The following SLC25A48 variants were observed in gnomAD, a reference collection of about 807,000 sequenced individuals.
SLC25A48 encodes solute carrier family 25 member 48.
In SLC25A48, 29 loss-of-function variants were observed where a neutral mutation model predicts 32.2. That is an observed-to-expected ratio of 0.90 (90% CI 0.67 to 1.23). The LOEUF is 1.23. Among genes scored for constraint, SLC25A48 ranks in the 50% most tolerant of loss-of-function variants. The pLI is 0.00. For missense variants in SLC25A48, 399 were observed against 422.7 expected (o/e 0.94, Z 0.49); for synonymous variants, 164 against 172.3 (o/e 0.95, Z 0.38).
At chr5:135,797,774 T>A (rs1757224027) in intron 3 of SLC25A48, among the ~76,000 whole-genome samples, 1 of 151,638 alleles carries the variant, frequency 6.6e-6, no homozygotes, top group East Asian at 1.9e-4. Context: ...GATATAACTC[T>A]CAATATCTCA....
At chr5:135,593,430 G>A (rs1345411337) in intron 1 of SLC25A48, among the ~76,000 whole-genome samples, 4 of 152,202 alleles carry the variant, frequency 2.6e-5, no homozygotes, top group East Asian at 1.9e-4. Context: ...TGGATATTTC[G>A]TGTTTCTAGC....
At chr5:135,725,338 T>C (rs1251690405) in intron 3 of SLC25A48, among the ~76,000 whole-genome samples, 1 of 152,112 alleles carries the variant, frequency 6.6e-6, no homozygotes, top group African/African-American at 2.4e-5. Flanking sequence ...GAAGAGACTG[T>C]GACTGGAGTG....
intron 3 of SLC25A48, among the ~76,000 whole-genome samples, chr5:135,707,025 G>A (rs1457802322): frequency 6.6e-6 from 1 of 152,200 alleles, no homozygotes; most frequent in Non-Finnish European, 1.5e-5. Context: ...GCAGTGAGTG[G>A]ATGAGTGGGC....
intron 2 of SLC25A48, among the ~76,000 whole-genome samples, chr5:135,632,723 G>A (rs1034960169): frequency 2.3e-4 from 35 of 152,164 alleles, no homozygotes; most frequent in African/African-American, 4.8e-5. Flanking sequence ...TAATTTGAAA[G>A]GGAGCAATCC....
At chr5:135,774,471 G>A (rs1756496765) in intron 3 of SLC25A48, among the ~76,000 whole-genome samples, 2 of 151,420 alleles carry the variant, frequency 1.3e-5, no homozygotes, top group Admixed American at 6.6e-5. Context: ...ATCCAGAAGG[G>A]GAGAGGATAA....
intron 4 of SLC25A48, among the ~76,000 whole-genome samples, chr5:135,859,492 A>G (rs1760610200): frequency 6.6e-6 from 1 of 152,212 alleles, no homozygotes; most frequent in Non-Finnish European, 1.5e-5. Context: ...CAGCCAAATC[A>G]TATCGCCTCC....
At chr5:135,684,927 T>C (rs1407982619) in intron 3 of SLC25A48, among the ~76,000 whole-genome samples, 1 of 152,112 alleles carries the variant, frequency 6.6e-6, no homozygotes, top group Non-Finnish European at 1.5e-5. Context: ...GACATGCAAG[T>C]AGTCAACTTA....
At chr5:135,772,792 C>T (rs1203671288) in intron 3 of SLC25A48, among the ~76,000 whole-genome samples, 1 of 151,280 alleles carries the variant, frequency 6.6e-6, no homozygotes, top group Admixed American at 6.6e-5. Flanking sequence ...ATATTACTCC[C>T]AATGTCTCAG....
chr5:135,870,447 G>C (rs1761546793), intron 4 of SLC25A48, among the ~76,000 whole-genome samples: 1 of 152,184 alleles, frequency 6.6e-6, no homozygotes, highest in Non-Finnish European at 1.5e-5. Flanking sequence ...AAATGAGAGA[G>C]AGGCAGAGTC....
intron 3 of SLC25A48, among the ~76,000 whole-genome samples, chr5:135,749,781 G>A (rs1038782545): frequency 6.6e-6 from 1 of 152,034 alleles, no homozygotes; most frequent in Non-Finnish European, 1.5e-5. Context: ...TAGTAGAGAC[G>A]GGGTTTCACT....
rs1193506113 is a variant in SLC25A48, at chr5:135,871,478, T to G, written c.439T>G (p.Ser147Ala). The G allele has an allele frequency of 6.3e-7, 1 of 1,597,102 alleles. No individual in the cohort carries two copies. Among genetic ancestry groups the G allele is most frequent in the Admixed American group, 1.7e-5 (1 of 59,358 alleles). The change falls in exon 5 of 8, where the codon TCC becomes GCC. Residue 147 changes from serine to alanine, a missense_variant. Coordinates refer to ENST00000681962, the MANE Select transcript of SLC25A48 (RefSeq NM_001349336.2). ...CTTTGCAGCCAACCTCGGTTTGAAG[T>G]CCAGGGCAGTGGCTCCTGCGGAGCA... The part of the protein sequence containing the change: ...PFRDANLGLK[S>A]RAVAPAEQPA...
chr5:135,731,660 A>T (rs1017705980), intron 3 of SLC25A48, among the ~76,000 whole-genome samples: 1 of 152,164 alleles, frequency 6.6e-6, no homozygotes, highest in Non-Finnish European at 1.5e-5. Flanking sequence ...GAATTGAGAG[A>T]CTAAATGGAA....
chr5:135,581,308 C>T (rs1478809339), intron 1 of SLC25A48, among the ~76,000 whole-genome samples: 1 of 152,198 alleles, frequency 6.6e-6, no homozygotes, highest in Non-Finnish European at 1.5e-5. Flanking sequence ...ACAACCAATG[C>T]TGTTTGACAA....
intron 3 of SLC25A48, among the ~76,000 whole-genome samples, chr5:135,765,018 T>C (rs1372873351): frequency 6.6e-6 from 1 of 150,932 alleles, no homozygotes; most frequent in East Asian, 2.0e-4. Context: ...ACATTACTCC[T>C]CATATGGGGG....
At chr5:135,863,682 G>A (rs1760978686) in intron 4 of SLC25A48, among the ~76,000 whole-genome samples, 2 of 152,082 alleles carry the variant, frequency 1.3e-5, no homozygotes, top group Admixed American at 6.6e-5. Context: ...TGAGAAAACC[G>A]AGGCTGAATT....
At chr5:135,866,889 A>G (rs1435232393) in intron 4 of SLC25A48, among the ~76,000 whole-genome samples, 2 of 152,220 alleles carry the variant, frequency 1.3e-5, no homozygotes, top group Admixed American at 6.5e-5. Flanking sequence ...GAAGTTGGGG[A>G]AATGAAGGAA....
Position 135,673,149 on chromosome 5 carries a change from T to C in SLC25A48, c.-521+38193T>C, listed in dbSNP as rs146409265. ...ATCTGTTTATGGGCATTTGGGTTAT[T>C]TCCAATTTGGGGCTATGACAAATAA... On this transcript the variant is annotated intron_variant, in intron 3 of 10. Coordinates refer to the SLC25A48 transcript ENST00000646290. Among the ~76,000 whole-genome samples, 274 of 152,348 alleles carry C rather than the reference T, an allele frequency of 1.8e-3. 1 individual carries two copies. The highest frequency in any genetic ancestry group is 6.2e-3 in the African/African-American group (257 of 41,578).
chr5:135,749,687 G>C (rs1250198119), intron 3 of SLC25A48, among the ~76,000 whole-genome samples: 2 of 152,080 alleles, frequency 1.3e-5, no homozygotes, highest in Non-Finnish European at 2.9e-5. Flanking sequence ...TGCCTCCCGG[G>C]TTCAAGCGAT....
intron 5 of SLC25A48, 165 bp downstream of exon 5, chr5:135,871,883 C>T: frequency 6.6e-7 from 1 of 1,503,816 alleles, no homozygotes. Context: ...CCCTCTCCCA[C>T]CTCAGTCTCA....
Sources: allele counts gnomAD v4.1 joint callset (sites outside exome capture counted in the v4.1 genomes callset), GRCh38; gene constraint gnomAD v4.1.1; transcripts MANE v1.5; gene names NCBI Gene and HGNC (gene_info 2026-07-23, HGNC 2026-07-21).